MSMO1: variants seen among roughly 807,000 people sequenced by gnomAD.
MSMO1 encodes C-4 methylsterol oxidase.
MSMO1 carries 18 observed loss-of-function variants against 30.4 expected under a neutral mutation model. The ratio of observed to expected loss-of-function variants is 0.59; its 90% CI spans 0.41 to 0.88. The LOEUF (loss-of-function observed/expected upper bound fraction) is 0.88, where lower values mean the gene tolerates loss of function less well. Among genes scored for constraint, MSMO1 ranks in the 40% least tolerant of loss-of-function variants. The probability of loss-of-function intolerance (pLI) is 0.00; values close to 1 mark genes in which losing one functional copy is unlikely to be tolerated. For synonymous variants in MSMO1, 84 were observed against 107.9 expected, an observed-to-expected ratio of 0.78 and a Z score of 1.37; for missense variants, 284 against 340.5, an observed-to-expected ratio of 0.83 and a Z score of 1.31.
chr4:165,341,850 T>G lies in MSMO1; in HGVS notation c.786T>G (p.Ala262=). The G allele has an allele frequency of 6.2e-7, 1 of 1,613,360 alleles. No homozygotes were observed. The highest frequency in any genetic ancestry group is 2.2e-5 in the East Asian group (1 of 44,806). ...FHHMNFIGNY[A]STFTWWDRIF... ...ACATGAACTTCATTGGAAACTATGCTTCAACATTTACATGGTGGGATCGAA... is the reference window on the plus strand; with the variant it reads ...ACATGAACTTCATTGGAAACTATGCGTCAACATTTACATGGTGGGATCGAA... The change falls in exon 6 of 6, where the codon GCT becomes GCG. Residue 262 remains alanine (A), a synonymous_variant. Coordinates refer to ENST00000261507, the MANE Select transcript of MSMO1 (RefSeq NM_006745.5).
chr4:165,333,937 C>T (rs1747469243), intron 2 of MSMO1, among the ~76,000 whole-genome samples: 4 of 152,040 alleles, frequency 2.6e-5, no homozygotes, highest in Admixed American at 2.0e-4. Flanking sequence ...CAAGACCATC[C>T]TGGGAAACAT....
chr4:165,330,798 A>T lies in MSMO1; in HGVS notation c.-31-2542A>T, dbSNP rs80208231. ...CTGAAACCTCCACCTCCTCATTTCAAGCGATTCACCTGAACTCCTGACCTT... is the reference window on the plus strand; with the variant it reads ...CTGAAACCTCCACCTCCTCATTTCATGCGATTCACCTGAACTCCTGACCTT... On this transcript the variant is annotated intron_variant, in intron 1 of 5. Transcript: ENST00000261507. Among the ~76,000 whole-genome samples the T allele has an allele frequency of 1.1e-4, 16 of 152,180 alleles. No homozygotes were observed. The East Asian group carries it at 3.1e-3, about 29-fold the overall frequency.
chr4:165,341,861 C>G lies in MSMO1; in HGVS notation c.797C>G (p.Thr266Arg), dbSNP rs2126629848. 1 of 1,613,336 alleles carries G rather than the reference C, an allele frequency of 6.2e-7. No individual in the cohort carries two copies. Among genetic ancestry groups the G allele is most frequent in the South Asian group, 1.1e-5 (1 of 91,062 alleles). ...NFIGNYASTF[T>R]WWDRIFGTDS... The stretch of plus-strand genomic sequence containing the variant: ...ATTGGAAACTATGCTTCAACATTTA[C>G]ATGGTGGGATCGAATTTTTGGAACA... Residue 266 changes from threonine to arginine, a missense_variant, in exon 6 of 6, where the codon ACA becomes AGA. By Grantham distance (71) the Thr-to-Arg change is moderately conservative. Transcript: ENST00000261507.
At chr4:165,338,002 G>A (rs1747606837) in intron 3 of MSMO1, 65 bp downstream of exon 3, 2 of 1,423,884 alleles carry the variant, frequency 1.4e-6, no homozygotes, top group Admixed American at 3.4e-5. Flanking sequence ...TATACTTAAT[G>A]TTTACCCGTT....
chr4:165,327,683 G>T lies in MSMO1; in HGVS notation c.-113G>T. The T allele has an allele frequency of 6.6e-6, 1 of 152,462 alleles. No individual in the cohort carries two copies. The highest frequency in any genetic ancestry group is 1.5e-5 in the Non-Finnish European group (1 of 68,138). 9.4% of individuals were successfully genotyped at this position (152,462 alleles called of 1,614,324 possible). ...CTGGCCCACCCGGCTCCACCCCCAA[G>T]CCAGGCGAGGCAGGTTCCGAGGTTG... On this transcript the variant is annotated 5_prime_UTR_variant, in exon 1 of 6. Transcript: ENST00000261507.
At chr4:165,339,709 A>G (rs1169612179) in intron 4 of MSMO1, among the ~76,000 whole-genome samples, 2 of 152,206 alleles carry the variant, frequency 1.3e-5, no homozygotes, top group Non-Finnish European at 2.9e-5. Flanking sequence ...ATAACTTTGT[A>G]AAACTTTATG....
chr4:165,328,029 G>C (rs1579209661), intron 1 of MSMO1: 1 of 152,480 alleles, frequency 6.6e-6, no homozygotes, highest in East Asian at 1.9e-4. Flanking sequence ...CCTTTAAAAT[G>C]TGTTGTCTTC....
At chr4:165,331,923 A>C (rs1040319470) in intron 1 of MSMO1, among the ~76,000 whole-genome samples, 5 of 147,932 alleles carry the variant, frequency 3.4e-5, no homozygotes, top group South Asian at 2.1e-4. Context: ...ACTATTTCCT[A>C]CCCCGCCGCG....
At chr4:165,341,714 A>G in intron 5 of MSMO1, 37 bp from the exon 6 acceptor site, 5 of 1,516,186 alleles carry the variant, frequency 3.3e-6, no homozygotes, top group Non-Finnish European at 4.6e-6. Context: ...TTTGAGATGT[A>G]TTTATTCCTT....
chr4:165,338,758 A>G lies in MSMO1; in HGVS notation c.511A>G (p.Lys171Glu), dbSNP rs750087986. 1 of 1,589,690 alleles carries G rather than the reference A, an allele frequency of 6.3e-7. No individual in the cohort carries two copies. Among genetic ancestry groups the G allele is most frequent in the Non-Finnish European group, 8.6e-7 (1 of 1,158,412 alleles). Residue 171 changes from lysine (K) to glutamate (E), a missense_variant, in exon 4 of 6, where the codon AAA becomes GAA. Lys to Glu is a moderately conservative substitution (Grantham distance 56). Coordinates refer to ENST00000261507, the MANE Select transcript of MSMO1 (RefSeq NM_006745.5). ...HHKRIYKYIH[K>E]VHHEFQAPFG... The stretch of plus-strand genomic sequence containing the variant: ...CAAAAGAATATACAAGTATATTCAT[A>G]AAGTTCATCATGAGTTTCAGGTATG...
At chr4:165,337,158 T>G (rs997543208) in intron 2 of MSMO1, among the ~76,000 whole-genome samples, 1 of 152,216 alleles carries the variant, frequency 6.6e-6, no homozygotes, top group Non-Finnish European at 1.5e-5. Flanking sequence ...TGTTTTGTTT[T>G]GCTTTGTTTT....
intron 5 of MSMO1, 64 bp downstream of exon 5, chr4:165,340,439 G>A (rs977330650): frequency 7.4e-7 from 1 of 1,357,876 alleles, no homozygotes; most frequent in Admixed American, 1.7e-5. Flanking sequence ...ATGGCCATAA[G>A]ATTATCATAT....
intron 1 of MSMO1, among the ~76,000 whole-genome samples, chr4:165,329,034 G>T (rs558631774): frequency 6.6e-6 from 1 of 152,202 alleles, no homozygotes; most frequent in Non-Finnish European, 1.5e-5. Context: ...TTAGATCCTG[G>T]AGTTTAGGGG....
chr4:165,334,888 T>G (rs1452666236), intron 2 of MSMO1, among the ~76,000 whole-genome samples: 1 of 152,220 alleles, frequency 6.6e-6, no homozygotes, highest in Non-Finnish European at 1.5e-5. Context: ...ATCCATGGGT[T>G]GTTGTATCCA....
chr4:165,327,813 G>C (rs1489072418), intron 1 of MSMO1, 49 bp downstream of exon 1: 2 of 152,270 alleles, frequency 1.3e-5, no homozygotes, highest in Non-Finnish European at 2.9e-5. Context: ...GGGAGCAGGC[G>C]GGCTCCCACC....
intron 1 of MSMO1, among the ~76,000 whole-genome samples, chr4:165,329,824 A>T (rs1017880518): frequency 2.6e-5 from 4 of 151,738 alleles, no homozygotes; most frequent in Admixed American, 2.0e-4. Context: ...TTTTTGGTGG[A>T]GATGTTTCAC....
At chr4:165,330,100 C>T (rs1747351308) in intron 1 of MSMO1, among the ~76,000 whole-genome samples, 1 of 152,122 alleles carries the variant, frequency 6.6e-6, no homozygotes, top group Non-Finnish European at 1.5e-5. Context: ...TACTCTAATA[C>T]TTATTATGGG....
At chr4:165,338,904 C>A in intron 4 of MSMO1, 126 bp downstream of exon 4, 1 of 698,414 alleles carries the variant, frequency 1.4e-6, no homozygotes, top group Non-Finnish European at 2.4e-6. Context: ...TTATTAAGAA[C>A]AATACACACA....
chr4:165,341,957 T>C lies in MSMO1; in HGVS notation c.*11T>C. 1 of 1,591,962 alleles carries C rather than the reference T, an allele frequency of 6.3e-7. No individual in the cohort carries two copies. The highest frequency in any genetic ancestry group is 2.2e-5 in the East Asian group (1 of 44,694). On this transcript the variant is annotated 3_prime_UTR_variant, in exon 6 of 6. Transcript: ENST00000261507. Reference sequence around the variant, plus strand: ...AAAAAGACTGAATAAATATCTCACGTAAACCTTCCTGAAAGATAAACGTTT... The same window carrying C: ...AAAAAGACTGAATAAATATCTCACGCAAACCTTCCTGAAAGATAAACGTTT...
Sources: gnomAD v4.1 joint callset for allele counts (sites outside exome capture counted in the v4.1 genomes callset) on GRCh38, gnomAD v4.1.1 for gene constraint, MANE v1.5 for transcripts, NCBI Gene and HGNC (gene_info 2026-07-23, HGNC 2026-07-21) for gene names.